Variants in NR3C2 observed in about 807,000 individuals in gnomAD.
NR3C2 encodes the protein mineralocorticoid receptor.
A neutral mutation model predicts 86.4 loss-of-function variants in NR3C2; 15 were observed. The observed-to-expected ratio is 0.17, with a 90% CI of 0.12 to 0.27. The LOEUF (loss-of-function observed/expected upper bound fraction) is 0.27, where lower values mean the gene tolerates loss of function less well. Ranked by LOEUF, NR3C2 falls within the 10% of genes least tolerant of loss-of-function variation. The probability of loss-of-function intolerance (pLI) is 1.00; values close to 1 mark genes in which losing one functional copy is unlikely to be tolerated. For synonymous variants in NR3C2, 458 were observed against 450.5 expected (o/e 1.02, Z -0.21); for missense variants, 960 against 1,195.6 (o/e 0.80, Z 2.91).
rs1396469858 is a variant in NR3C2, at chr4:148,120,195, T to C, written c.2604A>G (p.Glu868=). 1.1e-5 allele frequency: 18 copies of C among 1,614,194 alleles called. No individual in the cohort carries two copies. The highest frequency in any genetic ancestry group is 1.4e-5 in the Non-Finnish European group (17 of 1,180,016). ...QFVRLQLTFE[E]YTIMKVLLLL... is the part of the protein sequence containing the mutation. Reference sequence around the variant, plus strand: ...GCAGCAAAACTTTCATGATGGTGTATTCTTCAAAGGTGAGCTGCAGTCGAA... The same window carrying C: ...GCAGCAAAACTTTCATGATGGTGTACTCTTCAAAGGTGAGCTGCAGTCGAA... The change falls in exon 7 of 9, where the codon GAA becomes GAG. Residue 868 remains glutamate (E), a synonymous_variant. Transcript: ENST00000358102.
intron 4 of NR3C2, among the ~76,000 whole-genome samples, chr4:148,173,564 A>G (rs1037413989): frequency 2.6e-5 from 4 of 152,226 alleles, no homozygotes; most frequent in East Asian, 1.9e-4. Context: ...TAAGGAACAC[A>G]GTCTGTTGAC....
intron 2 of NR3C2, among the ~76,000 whole-genome samples, chr4:148,326,868 A>C (rs1039348536): frequency 6.6e-6 from 1 of 152,184 alleles, no homozygotes; most frequent in Non-Finnish European, 1.5e-5. Flanking sequence ...TTTCCCAAAA[A>C]ATTAATCTGC....
intron 4 of NR3C2, among the ~76,000 whole-genome samples, chr4:148,170,934 G>A (rs1280578297): frequency 6.6e-6 from 1 of 152,094 alleles, no homozygotes; most frequent in African/African-American, 2.4e-5. Context: ...CACCCAAAGG[G>A]TGTATGTACT....
chr4:148,373,786 A>G (rs1361402765), intron 2 of NR3C2, among the ~76,000 whole-genome samples: 2 of 152,096 alleles, frequency 1.3e-5, no homozygotes, highest in Non-Finnish European at 2.9e-5. Flanking sequence ...CCAGGATGAC[A>G]TTTTTAATGT....
chr4:148,168,888 C>T (rs1560957169), intron 4 of NR3C2, among the ~76,000 whole-genome samples: 1 of 152,050 alleles, frequency 6.6e-6, no homozygotes, highest in Non-Finnish European at 1.5e-5. Context: ...TGTAATGTGC[C>T]TATGTTTAGT....
Position 148,368,702 on chromosome 4 carries a change from G to T in NR3C2, c.1757+66402C>A, listed in dbSNP as rs192719172. On this transcript the variant is annotated intron_variant, in intron 2 of 8. Transcript: ENST00000358102. The stretch of plus-strand genomic sequence containing the variant: ...AGGAAGATATCTGAAGACTAGATTG[G>T]TATGGAAACCAGCAATGGGGAGAAT... 1.1e-3 allele frequency among the ~76,000 whole-genome samples: 169 copies of T among 152,230 alleles called. 1 individual carries two copies. The highest frequency in any genetic ancestry group is 2.9e-3 in the Admixed American group (45 of 15,278).
chr4:148,349,519 G>A (rs1299182985), intron 2 of NR3C2, among the ~76,000 whole-genome samples: 1 of 152,064 alleles, frequency 6.6e-6, no homozygotes, highest in Non-Finnish European at 1.5e-5. Context: ...CTGCAGGGTA[G>A]CCCCATAAAG....
At chr4:148,268,788 C>A (rs553629784) in intron 2 of NR3C2, among the ~76,000 whole-genome samples, 32 of 152,200 alleles carry the variant, frequency 2.1e-4, no homozygotes, top group African/African-American at 6.3e-4. Context: ...GATTCTAGGA[C>A]AAAGAGTTGA....
chr4:148,439,819 T>C (rs1750251067), intron 1 of NR3C2, among the ~76,000 whole-genome samples: 1 of 152,174 alleles, frequency 6.6e-6, no homozygotes, highest in Admixed American at 6.5e-5. Context: ...ATCCCACATT[T>C]GTGAGGCTAC....
chr4:148,134,026 A>C (rs1733159567), intron 6 of NR3C2, among the ~76,000 whole-genome samples: 2 of 152,214 alleles, frequency 1.3e-5, no homozygotes, highest in African/African-American at 4.8e-5. Context: ...ATACCCTAGA[A>C]AACATTTTTG....
chr4:148,113,218 G>C (rs1390115153), intron 8 of NR3C2, among the ~76,000 whole-genome samples: 3 of 152,118 alleles, frequency 2.0e-5, no homozygotes, highest in Non-Finnish European at 2.9e-5. Context: ...AGACAAGAAA[G>C]GTGACTCCTA....
chr4:148,166,802 G>C (rs964794004), intron 4 of NR3C2, among the ~76,000 whole-genome samples: 1 of 151,280 alleles, frequency 6.6e-6, no homozygotes, highest in Non-Finnish European at 1.5e-5. Context: ...ACAGTCAGCC[G>C]TTATCCATCA....
At chr4:148,252,686 T>C (rs1025043386) in intron 3 of NR3C2, among the ~76,000 whole-genome samples, 1 of 152,218 alleles carries the variant, frequency 6.6e-6, no homozygotes, top group African/African-American at 2.4e-5. Flanking sequence ...TGGCTTTGGG[T>C]TGACTGCTAG....
chr4:148,445,067 G>T (rs564704113), upstream of NR3C2: 220 of 932,436 alleles, frequency 2.4e-4, no homozygotes, highest in African/African-American at 3.7e-3. Flanking sequence ...CCCGCGGGTG[G>T]GAAACGGGCA....
At chr4:148,182,727 CTGAG>C (rs1424591500) in intron 4 of NR3C2, among the ~76,000 whole-genome samples, 2 of 152,324 alleles carry the variant, frequency 1.3e-5, no homozygotes, top group Middle Eastern at 3.4e-3. Flanking sequence ...AGGGGACCTG[CTGAG>C]TGAGGCCAGG....
intron 2 of NR3C2, among the ~76,000 whole-genome samples, chr4:148,261,304 TGCGCTATGGTAA>T (rs1740097821): frequency 7.2e-6 from 1 of 138,298 alleles, no homozygotes; most frequent in African/African-American, 2.6e-5. Flanking sequence ...AGTGCTATGG[TGCGCTATGGTAA>T]GCGCTATGGT....
chr4:148,367,415 G>T (rs151063240), intron 2 of NR3C2, among the ~76,000 whole-genome samples: 6 of 152,102 alleles, frequency 3.9e-5, no homozygotes, highest in African/African-American at 1.4e-4. Flanking sequence ...AATCATAAAA[G>T]ATTAAAAAGT....
Position 148,292,443 on chromosome 4 carries a change from A to G in NR3C2, c.1758-32326T>C, listed in dbSNP as rs1302161824. ...TGTAGGATGTCATGTTAATATTGCT[A>G]AAACCCTTATGATATATAACACATA... On this transcript the variant is annotated intron_variant, in intron 2 of 8. Coordinates refer to ENST00000358102, the MANE Select transcript of NR3C2 (RefSeq NM_000901.5). 5.3e-5 allele frequency among the ~76,000 whole-genome samples: 8 copies of G among 152,288 alleles called. No homozygotes were observed. The East Asian group carries it at 1.5e-3, about 29-fold the overall frequency.
intron 2 of NR3C2, among the ~76,000 whole-genome samples, chr4:148,388,462 A>T (rs139575174): frequency 1.4e-4 from 21 of 152,180 alleles, no homozygotes; most frequent in Non-Finnish European, 2.9e-4. Flanking sequence ...TGCTCAACCT[A>T]TGTGGAGAGA....
Sources: gnomAD v4.1 joint callset for allele counts (sites outside exome capture counted in the v4.1 genomes callset) on GRCh38, gnomAD v4.1.1 for gene constraint, MANE v1.5 for transcripts, NCBI Gene and HGNC (gene_info 2026-07-23, HGNC 2026-07-21) for gene names.